Variants in ENY2 observed in about 807,000 individuals in gnomAD.
ENY2 encodes the protein transcription and mRNA export factor ENY2.
In ENY2, 4 loss-of-function variants were observed where a neutral mutation model predicts 15.9. That is an observed-to-expected ratio of 0.25 (90% CI 0.12 to 0.57). The LOEUF (loss-of-function observed/expected upper bound fraction) is 0.57. Among genes scored for constraint, ENY2 ranks in the 20% least tolerant of loss-of-function variants. The pLI is 0.91. For synonymous variants in ENY2, 48 were observed against 38.0 expected, an observed-to-expected ratio of 1.26 and a Z score of -0.97; for missense variants, 54 against 117.2, an observed-to-expected ratio of 0.46 and a Z score of 2.49.
At chr8:109,340,655 G>A (rs1816092089) in intron 4 of ENY2, 92 bp downstream of exon 4, 1 of 1,518,082 alleles carries the variant, frequency 6.6e-7, no homozygotes, top group African/African-American at 1.4e-5. Context: ...CTGTTTTTAA[G>A]GAAAAGCACT....
At chr8:109,339,270 G>C in intron 2 of ENY2, 50 bp from the exon 3 acceptor site, 1 of 1,554,264 alleles carries the variant, frequency 6.4e-7, no homozygotes, top group Non-Finnish European at 8.9e-7. Flanking sequence ...ATACATTCCT[G>C]TCTAAGATGT....
rs1428122219 is a variant in ENY2 at position 109,343,680 on chromosome 8, G to A, written c.*199G>A. Reference sequence around the variant, plus strand: ...TCATGAATGAGTTTGAAGTTTGCTTGGATTTTGAAATGAATGGGACTTTGT... The same window carrying A: ...TCATGAATGAGTTTGAAGTTTGCTTAGATTTTGAAATGAATGGGACTTTGT... On this transcript the variant is annotated 3_prime_UTR_variant, in exon 5 of 5. Transcript: ENST00000521688. 2 of 493,826 alleles carry A rather than the reference G, an allele frequency of 4.1e-6. No homozygotes were observed. The highest frequency in any genetic ancestry group is 4.0e-5 in the African/African-American group (2 of 49,740). 30.6% of individuals were successfully genotyped at this position (493,826 alleles called of 1,614,324 possible).
chr8:109,342,165 T>C (rs28569335), intron 4 of ENY2, among the ~76,000 whole-genome samples: 17,911 of 126,144 alleles, frequency 0.14, 1,105 homozygotes, highest in Admixed American at 0.21. Context: ...AACCCCCCCC[T>C]TTTTTTTTTT....
At chr8:109,342,154 TA>T (rs35536767) in intron 4 of ENY2, among the ~76,000 whole-genome samples, 2,005 of 146,018 alleles carry the variant, frequency 0.014, 71 homozygotes, top group Admixed American at 0.074. Flanking sequence ...AAGTTTTAGT[TA>T]ACCCCCCCCT....
chr8:109,343,154 C>T (rs1816159422), intron 4 of ENY2, among the ~76,000 whole-genome samples: 2 of 152,292 alleles, frequency 1.3e-5, no homozygotes, highest in African/African-American at 4.8e-5. Flanking sequence ...GTCTTCTTTA[C>T]TCCTAAAGAA....
At chr8:109,340,385 C>A (rs1326073410) in intron 3 of ENY2, 104 bp from the exon 4 acceptor site, 19 of 1,500,856 alleles carry the variant, frequency 1.3e-5, no homozygotes, top group East Asian at 2.5e-5. Context: ...TTTAAAAAAA[C>A]CAGTCTACAC....
rs896787055 is a variant in ENY2 at position 109,345,740 on chromosome 8, T to C, written c.*2259T>C. Reference sequence around the variant, plus strand: ...TTATTACCTCAAAAATATATAAAAATGAAAACGTTATGAAAATATTTTAAA... The same window carrying C: ...TTATTACCTCAAAAATATATAAAAACGAAAACGTTATGAAAATATTTTAAA... On this transcript the variant is annotated 3_prime_UTR_variant, in exon 5 of 5. Coordinates refer to ENST00000521688, the MANE Select transcript of ENY2 (RefSeq NM_020189.6). 4.6e-5 allele frequency: 7 copies of C among 152,226 alleles called. No homozygotes were observed. In the East Asian group the frequency reaches 1.4e-3, roughly 29 times the overall value. The allele number at this position is 152,226 out of a possible 1,614,324, so 9.4% of individuals were successfully genotyped here.
At chr8:109,337,680 G>T (rs1220361233) in intron 2 of ENY2, among the ~76,000 whole-genome samples, 1 of 152,190 alleles carries the variant, frequency 6.6e-6, no homozygotes, top group Non-Finnish European at 1.5e-5. Context: ...GAGGCTGGCA[G>T]ATCACAAGGT....
In ENY2 at chr8:109,345,324, G is replaced by A. The variant is rs1043257389; in HGVS notation, c.*1843G>A. Reference sequence around the variant, plus strand: ...GGCAAGGGAAAAAATGAAGGAACAAGTGAATGAACAGTATGGGAGTATGAG... The same window carrying A: ...GGCAAGGGAAAAAATGAAGGAACAAATGAATGAACAGTATGGGAGTATGAG... On this transcript the variant is annotated 3_prime_UTR_variant, in exon 5 of 5. Transcript: ENST00000521688. 3 of 152,186 alleles carry A rather than the reference G, an allele frequency of 2.0e-5. No homozygotes were observed. Among genetic ancestry groups the A allele is most frequent in the Non-Finnish European group, 4.4e-5 (3 of 68,032 alleles). The allele number at this position is 152,186 out of a possible 1,614,324, so 9.4% of individuals were successfully genotyped here. A position where few individuals can be genotyped will look rare whatever the true frequency, so the allele number is the denominator to read the frequency against.
intron 2 of ENY2, among the ~76,000 whole-genome samples, chr8:109,337,349 T>C (rs1816007544): frequency 1.8e-5 from 2 of 108,286 alleles, no homozygotes; most frequent in African/African-American, 7.8e-5. Context: ...GTACGGATTG[T>C]ATGTTGTTTT....
At chr8:109,337,385 C>T (rs1348821612) in intron 2 of ENY2, among the ~76,000 whole-genome samples, 1 of 150,516 alleles carries the variant, frequency 6.6e-6, no homozygotes, top group African/African-American at 2.4e-5. Context: ...GTTTTTGATT[C>T]ATGCAGCTTC....
At chr8:109,334,550 A>G in intron 1 of ENY2, 76 bp downstream of exon 1, 1 of 1,523,508 alleles carries the variant, frequency 6.6e-7, no homozygotes. Flanking sequence ...GTCTTTCGTT[A>G]GCGTCCCCGA....
In ENY2 at chr8:109,344,728, A is replaced by AT. The variant is rs1816199019; in HGVS notation, c.*1249dup. 1 of 152,322 alleles carries AT rather than the reference A, an allele frequency of 6.6e-6. No individual in the cohort carries two copies. The highest frequency in any genetic ancestry group is 6.5e-5 in the Admixed American group (1 of 15,296). 9.4% of individuals were successfully genotyped at this position (152,322 alleles called of 1,614,324 possible). On this transcript the variant is annotated 3_prime_UTR_variant, in exon 5 of 5. Coordinates refer to ENST00000521688, the MANE Select transcript of ENY2 (RefSeq NM_020189.6). The stretch of plus-strand genomic sequence containing the variant: ...TACCCAACTGGTGCTCATGCTGCTG[A>AT]TTGAGAACCACTTCTGAATATAGCA...
In ENY2 at chr8:109,342,794, G is replaced by A. The variant is rs1005915217; in HGVS notation, c.230-611G>A. The A allele has an allele frequency of 1.8e-5, 12 of 683,618 alleles. No homozygotes were observed. In the Admixed American group the frequency reaches 1.9e-4, roughly 11 times the overall value. 42.3% of individuals were successfully genotyped at this position (683,618 alleles called of 1,614,324 possible). A position where few individuals can be genotyped will look rare whatever the true frequency, so the allele number is the denominator to read the frequency against. ...GCTGGGATGACAGGCGTGAGCCATC[G>A]TACCCAGCCAACACAGTATATTATT... On this transcript the variant is annotated intron_variant, in intron 4 of 4. Coordinates refer to ENST00000521688, the MANE Select transcript of ENY2 (RefSeq NM_020189.6).
Position 109,334,487 on chromosome 8 carries a change from C to A in ENY2, c.6+13C>A, listed in dbSNP as rs752250813. ...CGCGGTGATGGTGGTGAGCTATGCC[C>A]GTGGTCCTCAGGGCCGGGACCCGGG... On this transcript the variant is annotated intron_variant, in intron 1 of 4. Coordinates refer to ENST00000521688, the MANE Select transcript of ENY2 (RefSeq NM_020189.6). The A allele has an allele frequency of 1.2e-6, 2 of 1,612,904 alleles. No homozygotes were observed. Among genetic ancestry groups the A allele is most frequent in the Admixed American group, 1.7e-5 (1 of 59,854 alleles).
chr8:109,344,783 G>GTAAT lies in ENY2; in HGVS notation c.*1304_*1307dup, dbSNP rs898292989. 1.3e-5 allele frequency: 2 copies of GTAAT among 152,220 alleles called. No individual in the cohort carries two copies. The highest frequency in any genetic ancestry group is 3.9e-4 in the East Asian group (2 of 5,172). 9.4% of individuals were successfully genotyped at this position (152,220 alleles called of 1,614,324 possible). ...TGTAAATTATCCACTACGTGCCCTCGTAATTGTCTTAGTTCAAGCCCAGAT... is the reference window on the plus strand; with the variant it reads ...TGTAAATTATCCACTACGTGCCCTCGTAATTAATTGTCTTAGTTCAAGCCCAGAT... On this transcript the variant is annotated 3_prime_UTR_variant, in exon 5 of 5. Coordinates refer to ENST00000521688, the MANE Select transcript of ENY2 (RefSeq NM_020189.6).
chr8:109,335,980 A>T (rs980495707), intron 1 of ENY2, 148 bp from the exon 2 acceptor site: 5 of 686,784 alleles, frequency 7.3e-6, no homozygotes, highest in African/African-American at 7.2e-5. Context: ...TAAGTGTTTA[A>T]TAAAGAGTAA....
rs1022323476 is a variant in ENY2 at position 109,345,226 on chromosome 8, A to G, written c.*1745A>G. ...CCTCTTCAACACAGTAGTTCTTGAA[A>G]TTTTGCAGGCCTCTCCTGGAAAGGA... On this transcript the variant is annotated 3_prime_UTR_variant, in exon 5 of 5. Coordinates refer to ENST00000521688, the MANE Select transcript of ENY2 (RefSeq NM_020189.6). The G allele has an allele frequency of 1.3e-5, 2 of 152,138 alleles. No homozygotes were observed. The highest frequency in any genetic ancestry group is 4.8e-5 in the African/African-American group (2 of 41,418). The allele number at this position is 152,138 out of a possible 1,614,324, so 9.4% of individuals were successfully genotyped here.
intron 4 of ENY2, among the ~76,000 whole-genome samples, chr8:109,341,139 T>G (rs1229595983): frequency 6.6e-6 from 1 of 152,164 alleles, no homozygotes; most frequent in Non-Finnish European, 1.5e-5. Flanking sequence ...ACTGATGATG[T>G]GTAGTAAATG....
Sources: gnomAD v4.1 joint callset for allele counts (sites outside exome capture counted in the v4.1 genomes callset) on GRCh38, gnomAD v4.1.1 for gene constraint, MANE v1.5 for transcripts, NCBI Gene and HGNC (gene_info 2026-07-23, HGNC 2026-07-21) for gene names.